The following CPED1 variants were observed in gnomAD, a reference collection of about 807,000 sequenced individuals.
The protein encoded by CPED1 is cadherin like and PC-esterase domain containing 1, also known as cadherin-like and PC-esterase domain-containing protein 1.
Under a neutral mutation model 128.2 loss-of-function variants are expected in CPED1, and 114 were observed. The ratio of observed to expected loss-of-function variants is 0.89; its 90% CI spans 0.76 to 1.04. The LOEUF (loss-of-function observed/expected upper bound fraction) is 1.04, where lower values mean the gene tolerates loss of function less well. CPED1 is among the 50% of genes least tolerant of loss of function. CPED1 has a pLI of 0.00. For missense variants in CPED1, 1,211 were observed against 1,207.1 expected (o/e 1.00, Z -0.05); for synonymous variants, 462 against 426.7 (o/e 1.08, Z -1.02).
At chr7:121,141,821 A>G (rs1795910412) in intron 15 of CPED1, 152 bp from the exon 16 acceptor site, 5 of 574,664 alleles carry the variant, frequency 8.7e-6, no homozygotes, top group African/African-American at 1.9e-5. Flanking sequence ...ATATTTATTT[A>G]TTTTCATAGT....
At chr7:121,252,440 T>C (rs975040535) in intron 18 of CPED1, among the ~76,000 whole-genome samples, 3 of 151,352 alleles carry the variant, frequency 2.0e-5, no homozygotes, top group African/African-American at 7.3e-5. Context: ...CCAAAAGCAA[T>C]GGCAACAAAA....
At chr7:121,150,872 G>T (rs561321598) in intron 16 of CPED1, among the ~76,000 whole-genome samples, 3 of 152,126 alleles carry the variant, frequency 2.0e-5, no homozygotes, top group Admixed American at 1.3e-4. Context: ...GGGGTCAAGC[G>T]ATTCTCCTGC....
chr7:121,046,832 G>T lies in CPED1; in HGVS notation c.434-55G>T, dbSNP rs982392495. The T allele has an allele frequency of 2.3e-5, 26 of 1,140,884 alleles. No homozygotes were observed. In the Middle Eastern group the frequency reaches 2.4e-3, roughly 107 times the overall value. 70.7% of individuals were successfully genotyped at this position (1,140,884 alleles called of 1,614,324 possible). On this transcript the variant is annotated intron_variant, in intron 3 of 22. Transcript: ENST00000310396. ...TTTTTAATCTGAAGAATTAAATATTGCTTTTAAAATATCTGATGAAAACTT... is the reference window on the plus strand; with the variant it reads ...TTTTTAATCTGAAGAATTAAATATTTCTTTTAAAATATCTGATGAAAACTT...
intron 3 of CPED1, among the ~76,000 whole-genome samples, chr7:121,033,036 G>A (rs576151112): frequency 6.6e-6 from 1 of 152,168 alleles, no homozygotes; most frequent in African/African-American, 2.4e-5. Context: ...TCATGAAAAT[G>A]TACCTTCCTC....
intron 2 of CPED1, among the ~76,000 whole-genome samples, chr7:121,010,364 C>T (rs182964152): frequency 7.2e-5 from 11 of 152,240 alleles, no homozygotes; most frequent in Admixed American, 3.9e-4. Flanking sequence ...CATTCTCCTG[C>T]CTCAGCCTCC....
chr7:121,081,890 C>G (rs952574066), intron 5 of CPED1, among the ~76,000 whole-genome samples: 2 of 152,268 alleles, frequency 1.3e-5, no homozygotes, highest in African/African-American at 4.8e-5. Flanking sequence ...GCACTTTATA[C>G]ACTTCCTTCT....
intron 5 of CPED1, among the ~76,000 whole-genome samples, chr7:121,065,524 G>T (rs983673986): frequency 7.9e-5 from 12 of 152,094 alleles, no homozygotes; most frequent in African/African-American, 2.9e-4. Flanking sequence ...AGATTTTAAA[G>T]TGTTTTTCTT....
chr7:121,036,984 A>G (rs1281005026), intron 3 of CPED1, among the ~76,000 whole-genome samples: 1 of 151,566 alleles, frequency 6.6e-6, no homozygotes, highest in Non-Finnish European at 1.5e-5. Context: ...TTTTGATGGG[A>G]CTGTTTGTTT....
chr7:121,260,917 T>G (rs1343903090), intron 18 of CPED1, among the ~76,000 whole-genome samples: 1 of 152,110 alleles, frequency 6.6e-6, no homozygotes, highest in Non-Finnish European at 1.5e-5. Context: ...TTTTTTCTTT[T>G]TCTTTTCTTA....
At chr7:121,212,514 C>T (rs916709394) in intron 16 of CPED1, among the ~76,000 whole-genome samples, 18 of 151,952 alleles carry the variant, frequency 1.2e-4, no homozygotes, top group African/African-American at 4.3e-4. Flanking sequence ...TAAAGCATCT[C>T]GAGTTGACCA....
At chr7:121,244,758 G>A (rs1434644674) in intron 18 of CPED1, among the ~76,000 whole-genome samples, 1 of 152,192 alleles carries the variant, frequency 6.6e-6, no homozygotes, top group Non-Finnish European at 1.5e-5. Flanking sequence ...TCCTGCATGT[G>A]AGACTCACTT....
chr7:121,241,926 T>C (rs1034412282), intron 17 of CPED1, among the ~76,000 whole-genome samples: 3 of 152,220 alleles, frequency 2.0e-5, no homozygotes, highest in African/African-American at 7.2e-5. Flanking sequence ...TGGCAGCATA[T>C]TGGAATCACC....
chr7:121,205,372 A>G (rs1244764885), intron 16 of CPED1, among the ~76,000 whole-genome samples: 1 of 152,002 alleles, frequency 6.6e-6, no homozygotes, highest in Non-Finnish European at 1.5e-5. Context: ...TTTTCACCCT[A>G]TAAGTAATTC....
chr7:121,262,171 C>T (rs532474626), intron 18 of CPED1, among the ~76,000 whole-genome samples: 4 of 152,158 alleles, frequency 2.6e-5, no homozygotes, highest in South Asian at 2.1e-4. Context: ...TGCCTCCTCC[C>T]TCTTCACCTT....
chr7:121,117,396 T>C (rs993338586), intron 7 of CPED1, among the ~76,000 whole-genome samples: 8 of 151,960 alleles, frequency 5.3e-5, no homozygotes, highest in African/African-American at 1.9e-4. Context: ...CCACCACACC[T>C]GGCCAAATTA....
chr7:121,130,767 C>T (rs965484278), intron 12 of CPED1, among the ~76,000 whole-genome samples: 2 of 151,936 alleles, frequency 1.3e-5, no homozygotes, highest in African/African-American at 4.8e-5. Flanking sequence ...CAATTGATTC[C>T]TATTTTGGTT....
rs963094519 is a variant in CPED1, at chr7:121,044,851, C to T, written c.434-2036C>T. On this transcript the variant is annotated intron_variant, in intron 3 of 22. Coordinates refer to ENST00000310396, the MANE Select transcript of CPED1 (RefSeq NM_024913.5). The stretch of plus-strand genomic sequence containing the variant: ...ATAGTGAAGAAGGGTACGCTTTAGA[C>T]GTAGAGGAATATAAAACTTACTCTG... 5.9e-5 allele frequency among the ~76,000 whole-genome samples: 9 copies of T among 151,866 alleles called. No homozygotes were observed. The South Asian group carries it at 6.2e-4, about 11-fold the overall frequency.
chr7:121,156,342 A>G (rs1369911540), intron 16 of CPED1, among the ~76,000 whole-genome samples: 2 of 152,190 alleles, frequency 1.3e-5, no homozygotes, highest in African/African-American at 4.8e-5. Context: ...TTGAGTATAT[A>G]TCCAAAAGAA....
chr7:121,242,834 C>T (rs991101929), intron 17 of CPED1, among the ~76,000 whole-genome samples: 2 of 152,080 alleles, frequency 1.3e-5, no homozygotes, highest in Non-Finnish European at 2.9e-5. Context: ...TTTATCTCTT[C>T]CAGTTTCTCT....
Sources: allele counts gnomAD v4.1 joint callset (sites outside exome capture counted in the v4.1 genomes callset), GRCh38; gene constraint gnomAD v4.1.1; transcripts MANE v1.5; gene names NCBI Gene and HGNC (gene_info 2026-07-23, HGNC 2026-07-21).